The following TMEM184B variants were observed in gnomAD, a reference collection of about 807,000 sequenced individuals.
TMEM184B encodes transmembrane protein 184B.
In TMEM184B, 17 loss-of-function variants were observed where a neutral mutation model predicts 41.8. The observed-to-expected ratio is 0.41, with a 90% CI of 0.28 to 0.61. TMEM184B has a LOEUF of 0.61. Among genes scored for constraint, TMEM184B ranks in the 20% least tolerant of loss-of-function variants. The pLI is 0.34. For synonymous variants in TMEM184B, 240 were observed against 229.5 expected (o/e 1.05, Z -0.41); for missense variants, 393 against 557.8 (o/e 0.70, Z 2.98).
At chr22:38,218,383 T>G (rs1380116865), downstream of TMEM184B, among the ~76,000 whole-genome samples, 1 of 152,186 alleles carries the variant, frequency 6.6e-6, no homozygotes, top group Non-Finnish European at 1.5e-5. Flanking sequence ...AGTCTCAGTT[T>G]ACCATCTGTA....
At position 38,219,419 on chromosome 22, in the gene TMEM184B, G is replaced by A. The variant is rs2091198810; in HGVS notation, c.*2050C>T. The stretch of plus-strand genomic sequence containing the variant: ...TGGCTTTCTGGTGGAACTCATGGCA[G>A]TCATACAACAAGATACAAAACTAGG... On this transcript the variant is annotated 3_prime_UTR_variant, in exon 9 of 9. Transcript: ENST00000361906. The A allele has an allele frequency of 1.2e-5, 12 of 985,716 alleles. No individual in the cohort carries two copies. The highest frequency in any genetic ancestry group is 1.4e-5 in the Non-Finnish European group (12 of 829,918). 61.1% of individuals were successfully genotyped at this position (985,716 alleles called of 1,614,324 possible).
In TMEM184B at chr22:38,226,964, G is replaced by T; in HGVS notation, c.526-94C>A. On this transcript the variant is annotated intron_variant, in intron 5 of 8. Coordinates refer to ENST00000361906, the MANE Select transcript of TMEM184B (RefSeq NM_012264.5). The surrounding 1 kb of genome is among the most constrained non-coding windows in gnomAD (Gnocchi z 4.6). Reference sequence around the variant, plus strand: ...GGCAGACGGAACTGTACCGGATGGAGGGACAGAGAGGATGAAGGAGACGGA... The same window carrying T: ...GGCAGACGGAACTGTACCGGATGGATGGACAGAGAGGATGAAGGAGACGGA... 1 of 1,272,890 alleles carries T rather than the reference G, an allele frequency of 7.9e-7. No individual in the cohort carries two copies. Among genetic ancestry groups the T allele is most frequent in the East Asian group, 2.6e-5 (1 of 38,476 alleles). The allele number at this position is 1,272,890 out of a possible 1,614,324, so 78.8% of individuals were successfully genotyped here.
intron 1 of TMEM184B, among the ~76,000 whole-genome samples, chr22:38,254,849 T>C (rs1040761983): frequency 1.4e-5 from 2 of 142,530 alleles, no homozygotes; most frequent in African/African-American, 2.6e-5. Flanking sequence ...CTTTGGCACT[T>C]TCTTTTTTTT....
Position 38,225,583 on chromosome 22 carries a change from C to A in TMEM184B, c.628G>T (p.Gly210Cys). ...YRDGDFDVTS[G>C]YLYVTIIYNI... ...TAGATGATGGTCACGTAGAGGTAGC[C>A]ACTGGTGACGCTGCGGGACGGGGAG... Residue 210 changes from glycine (G) to cysteine (C), a missense_variant, in exon 7 of 9, where the codon GGC (glycine) becomes TGC (cysteine). Coordinates refer to ENST00000361906, the MANE Select transcript of TMEM184B (RefSeq NM_012264.5). This position sits in a 1 kb window ranked among gnomAD's most constrained non-coding sequence, Gnocchi z 4.4. The A allele has an allele frequency of 6.2e-7, 1 of 1,605,594 alleles. No individual in the cohort carries two copies. The highest frequency in any genetic ancestry group is 1.1e-5 in the South Asian group (1 of 90,094).
intron 8 of TMEM184B, chr22:38,223,770 C>G (rs1378792276): frequency 6.6e-6 from 1 of 152,610 alleles, no homozygotes; most frequent in African/African-American, 2.4e-5. Context: ...CATTCCCAGC[C>G]TCCTCTTCCC....
Position 38,225,452 on chromosome 22 carries a change from C to T in TMEM184B, c.759G>A (p.Lys253=). 6.3e-7 allele frequency: 1 copy of T among 1,576,062 alleles called. No homozygotes were observed. The change falls in exon 7 of 9, where the codon AAG becomes AAA. Residue 253 remains lysine, a synonymous_variant. Transcript: ENST00000361906. The surrounding 1 kb of genome is among the most constrained non-coding windows in gnomAD (Gnocchi z 4.4). The part of the protein sequence containing the change: ...YSPVLKFFMV[K]SVIFLSFWQG... ...GCCAGAAGGAAAGAAAGATGACGGA[C>T]TTGACCATGAAGAACTTGAGGACGG...
chr22:38,226,600 C>T lies in TMEM184B; in HGVS notation c.617+179G>A. On this transcript the variant is annotated intron_variant, in intron 6 of 8. Coordinates refer to ENST00000361906, the MANE Select transcript of TMEM184B (RefSeq NM_012264.5). This position sits in a 1 kb window ranked among gnomAD's most constrained non-coding sequence, Gnocchi z 4.6. Reference sequence around the variant, plus strand: ...TGCCAATGGCTCACTCCGGGGCTGGCAGCGGGGCCAACTGCAAGGGTGTCC... The same window carrying T: ...TGCCAATGGCTCACTCCGGGGCTGGTAGCGGGGCCAACTGCAAGGGTGTCC... 1 of 583,532 alleles carries T rather than the reference C, an allele frequency of 1.7e-6. No homozygotes were observed. The highest frequency in any genetic ancestry group is 3.0e-5 in the East Asian group (1 of 32,836). The allele number at this position is 583,532 out of a possible 1,614,324, so 36.1% of individuals were successfully genotyped here.
chr22:38,230,937 C>T (rs2091599363), intron 4 of TMEM184B, among the ~76,000 whole-genome samples, 193 bp from the exon 5 acceptor site: 1 of 152,074 alleles, frequency 6.6e-6, no homozygotes, highest in Non-Finnish European at 1.5e-5. Flanking sequence ...CGGAGGGACA[C>T]AGGGCTGCAC....
At chr22:38,252,917 T>A (rs756282811) in intron 1 of TMEM184B, among the ~76,000 whole-genome samples, 17 of 152,050 alleles carry the variant, frequency 1.1e-4, no homozygotes, top group Non-Finnish European at 2.4e-4. Context: ...CCGAGCTGGG[T>A]GGATCACGAG....
At chr22:38,272,060 G>C (rs774100992) in intron 1 of TMEM184B, among the ~76,000 whole-genome samples, 8 of 152,206 alleles carry the variant, frequency 5.3e-5, no homozygotes, top group Non-Finnish European at 1.0e-4. Flanking sequence ...CTCACCACAG[G>C]TATCAGGCAT....
chr22:38,226,031 AGT>A lies in TMEM184B; in HGVS notation c.618-440_618-439del, dbSNP rs1013776523. On this transcript the variant is annotated intron_variant, in intron 6 of 8. Coordinates refer to ENST00000361906, the MANE Select transcript of TMEM184B (RefSeq NM_012264.5). This position sits in a 1 kb window ranked among gnomAD's most constrained non-coding sequence, Gnocchi z 4.6. ...CAGGGCTGTTACACAGTTCACAGAC[AGT>A]GTGTGCCGAGAGCTTGAAAGCACAG... Among the ~76,000 whole-genome samples the A allele has an allele frequency of 2.0e-5, 3 of 151,074 alleles. No homozygotes were observed. The highest frequency in any genetic ancestry group is 4.4e-5 in the Non-Finnish European group (3 of 67,970).
chr22:38,255,034 A>T (rs1470546950), intron 1 of TMEM184B, among the ~76,000 whole-genome samples: 6 of 148,826 alleles, frequency 4.0e-5, no homozygotes, highest in Non-Finnish European at 6.0e-5. Context: ...TTATTTATTT[A>T]TTTTTTTGAG....
At chr22:38,255,784 C>G (rs1348677101) in intron 1 of TMEM184B, among the ~76,000 whole-genome samples, 2 of 152,160 alleles carry the variant, frequency 1.3e-5, no homozygotes, top group African/African-American at 4.8e-5. Flanking sequence ...CTCAAAAGGT[C>G]ACATACTGCA....
chr22:38,242,385 G>A (rs1311958440), intron 3 of TMEM184B, among the ~76,000 whole-genome samples: 1 of 152,120 alleles, frequency 6.6e-6, no homozygotes, highest in Non-Finnish European at 1.5e-5. Flanking sequence ...GGCTGAGGCA[G>A]GAGAATTGCT....
chr22:38,234,368 C>T (rs535510317), intron 3 of TMEM184B, among the ~76,000 whole-genome samples: 3 of 152,342 alleles, frequency 2.0e-5, no homozygotes, highest in Non-Finnish European at 4.4e-5. Flanking sequence ...CCAGCATCAA[C>T]TGCCAGGCAC....
At position 38,226,205 on chromosome 22, in the gene TMEM184B, G is replaced by A. The variant is rs146003819; in HGVS notation, c.617+574C>T. On this transcript the variant is annotated intron_variant, in intron 6 of 8. Coordinates refer to ENST00000361906, the MANE Select transcript of TMEM184B (RefSeq NM_012264.5). The surrounding 1 kb of genome is among the most constrained non-coding windows in gnomAD (Gnocchi z 4.6). ...AGCGATTCTCCTGCCTCAGCCTCCC[G>A]AGTAGCTGGGATTATAGGCACCCGT... Among the ~76,000 whole-genome samples, 1,638 of 151,558 alleles carry A rather than the reference G, an allele frequency of 0.011. 35 individuals carry two copies. The highest frequency in any genetic ancestry group is 0.038 in the African/African-American group (1,570 of 41,278).
rs1167720636 is a variant in TMEM184B, at chr22:38,246,972, A to G, written c.192+798T>C. The G allele has an allele frequency of 1.1e-5, 10 of 875,444 alleles. No individual in the cohort carries two copies. The East Asian group carries it at 6.7e-4, about 59-fold the overall frequency. The allele number at this position is 875,444 out of a possible 1,614,324, so 54.2% of individuals were successfully genotyped here. On this transcript the variant is annotated intron_variant, in intron 2 of 8. Transcript: ENST00000361906. ...TGGGTTCTAAAAGGGATGGGGACAC[A>G]GGGCAGCTGGCAAGGGGCTGACTAG...
At chr22:38,231,394 G>GTTTAGAATCCCAGCATCTGC in intron 3 of TMEM184B, 60 bp from the exon 4 acceptor site, 1 of 1,382,892 alleles carries the variant, frequency 7.2e-7, no homozygotes, top group Non-Finnish European at 1.0e-6. Flanking sequence ...CGCAGATGCT[G>GTTTAGAATCCCAGCATCTGC]GGATTCTAAA....
intron 3 of TMEM184B, among the ~76,000 whole-genome samples, chr22:38,241,638 A>T (rs186636360): frequency 1.4e-4 from 22 of 152,112 alleles, no homozygotes; most frequent in Non-Finnish European, 2.4e-4. Flanking sequence ...TAATACCAGC[A>T]CTTTGGGAGG....
Sources: gnomAD v4.1 joint callset for allele counts (sites outside exome capture counted in the v4.1 genomes callset) on GRCh38, gnomAD v4.1.1 for gene constraint, Gnocchi (gnomAD v3.1) non-coding constraint, MANE v1.5 for transcripts, NCBI Gene and HGNC (gene_info 2026-07-23, HGNC 2026-07-21) for gene names.